Variants in SLC1A2 observed in about 807,000 individuals in gnomAD.
The protein encoded by SLC1A2 is solute carrier family 1 member 2, also known as excitatory amino acid transporter 2.
A neutral mutation model predicts 48.8 loss-of-function variants in SLC1A2; 15 were observed. The observed-to-expected ratio is 0.31, with a 90% CI of 0.21 to 0.47. SLC1A2 has a LOEUF of 0.47. Among genes scored for constraint, SLC1A2 ranks in the 20% least tolerant of loss-of-function variants. SLC1A2 has a pLI of 0.99. For synonymous variants in SLC1A2, 279 were observed against 272.6 expected (o/e 1.02, Z -0.23); for missense variants, 502 against 730.5 (o/e 0.69, Z 3.61).
rs1281415799 is a variant in SLC1A2, at chr11:35,317,535, C to T, written c.18-19G>A. On this transcript the variant is annotated intron_variant, in intron 1 of 10. Transcript: ENST00000278379. The stretch of plus-strand genomic sequence containing the variant: ...GTTGGCACTGGAACAGAAGTGAAGG[C>T]AGAGATTAGAGAGACTGGCACCTCC... 1 of 1,609,714 alleles carries T rather than the reference C, an allele frequency of 6.2e-7. No homozygotes were observed.
chr11:35,364,726 T>C (rs1696529426), intron 1 of SLC1A2, among the ~76,000 whole-genome samples: 1 of 152,208 alleles, frequency 6.6e-6, no homozygotes, highest in South Asian at 2.1e-4. Context: ...CACACCCCCA[T>C]GATGGTGCCT....
At chr11:35,317,771 T>C (rs1333636826) in intron 1 of SLC1A2, among the ~76,000 whole-genome samples, 1 of 152,222 alleles carries the variant, frequency 6.6e-6, no homozygotes, top group Non-Finnish European at 1.5e-5. Context: ...CCCCCCGTGG[T>C]AACTTGGGGA....
rs957176257 is a variant in SLC1A2 at position 35,256,116 on chromosome 11, C to A, written c.*4778G>T. The A allele has an allele frequency of 6.6e-6, 1 of 152,178 alleles. No individual in the cohort carries two copies. The allele number at this position is 152,178 out of a possible 1,614,324, so 9.4% of individuals were successfully genotyped here. The stretch of plus-strand genomic sequence containing the variant: ...ACTTTTCATATGGGAGAAAATGAGG[C>A]TTGGACACAAAATGACTTATGTAAG... On this transcript the variant is annotated 3_prime_UTR_variant, in exon 11 of 11. Coordinates refer to ENST00000278379, the MANE Select transcript of SLC1A2 (RefSeq NM_004171.4).
chr11:35,278,007 T>C (rs567569508), intron 9 of SLC1A2, among the ~76,000 whole-genome samples: 1 of 152,262 alleles, frequency 6.6e-6, no homozygotes, highest in East Asian at 1.9e-4. Context: ...TGAACAGATG[T>C]CATGAGAAAG....
intron 9 of SLC1A2, among the ~76,000 whole-genome samples, chr11:35,269,910 G>T (rs962706652): frequency 2.0e-5 from 3 of 152,112 alleles, no homozygotes; most frequent in African/African-American, 7.2e-5. Flanking sequence ...AGGAGTGCAA[G>T]ACCACCCTGG....
chr11:35,370,940 C>T (rs1035276371), intron 1 of SLC1A2: 33 of 984,766 alleles, frequency 3.4e-5, no homozygotes, highest in Non-Finnish European at 3.7e-5. Context: ...TGAAAACTTG[C>T]CTTGCTTATT....
chr11:35,420,482 C>T (rs1019231378), upstream of SLC1A2: 1 of 152,324 alleles, frequency 6.6e-6, no homozygotes, highest in African/African-American at 2.4e-5. Flanking sequence ...CCCAAAAGAA[C>T]TCACTTGGAG....
intron 1 of SLC1A2, among the ~76,000 whole-genome samples, chr11:35,363,981 G>A (rs552375592): frequency 6.6e-5 from 10 of 152,254 alleles, no homozygotes; most frequent in African/African-American, 1.9e-4. Flanking sequence ...CAGGGGCACC[G>A]GCAGAAAGAG....
intron 7 of SLC1A2, among the ~76,000 whole-genome samples, chr11:35,290,714 G>T (rs1850973636): frequency 1.0e-5 from 1 of 95,790 alleles, no homozygotes; most frequent in Non-Finnish European, 2.5e-5. Flanking sequence ...AACCAGGTTG[G>T]GTTTTTTTTT....
chr11:35,379,829 T>C (rs1854365281), intron 1 of SLC1A2, among the ~76,000 whole-genome samples: 1 of 152,206 alleles, frequency 6.6e-6, no homozygotes. Context: ...ATTACTTACG[T>C]GGCGAATCCC....
At chr11:35,306,387 G>T in intron 4 of SLC1A2, 145 bp from the exon 5 acceptor site, 2 of 585,212 alleles carry the variant, frequency 3.4e-6, no homozygotes, top group East Asian at 5.7e-5. Flanking sequence ...GAAAACTGGA[G>T]AATATTTTAT....
chr11:35,322,533 T>C (rs1481428116), intron 1 of SLC1A2: 2 of 1,326,886 alleles, frequency 1.5e-6, no homozygotes, highest in Non-Finnish European at 2.1e-6. Context: ...TCCTGGAGGA[T>C]GTGAGGTTTG....
At chr11:35,345,765 A>G (rs1853007000) in intron 1 of SLC1A2, among the ~76,000 whole-genome samples, 1 of 152,256 alleles carries the variant, frequency 6.6e-6, no homozygotes, top group South Asian at 2.1e-4. Flanking sequence ...TAAATAATAT[A>G]CATTTTGTCT....
intron 1 of SLC1A2, among the ~76,000 whole-genome samples, chr11:35,330,372 GA>G (rs1405350446): frequency 6.6e-6 from 1 of 152,222 alleles, no homozygotes; most frequent in East Asian, 1.9e-4. Flanking sequence ...CCCTGCCTTT[GA>G]AAAACTGAAG....
chr11:35,348,223 C>T (rs1444663718), intron 1 of SLC1A2, among the ~76,000 whole-genome samples: 1 of 150,598 alleles, frequency 6.6e-6, no homozygotes, highest in Non-Finnish European at 1.5e-5. Flanking sequence ...CAGTCCTGGG[C>T]CATCTGTTTT....
chr11:35,324,696 T>A (rs186456073), intron 1 of SLC1A2, among the ~76,000 whole-genome samples: 26 of 152,230 alleles, frequency 1.7e-4, no homozygotes, highest in African/African-American at 6.3e-4. Context: ...CCCACTGCCA[T>A]CAGCCTCCCT....
chr11:35,402,009 G>GTGAA (rs10594944), intron 1 of SLC1A2, among the ~76,000 whole-genome samples: 1,728 of 151,892 alleles, frequency 0.011, 16 homozygotes, highest in Non-Finnish European at 0.014. Flanking sequence ...TAGAAAGTTT[G>GTGAA]TGAATGAATG....
In SLC1A2 at chr11:35,280,992, G is replaced by A; in HGVS notation, c.1296C>T (p.Ala432=). ...GGQIVTVSLT[A]TLASVGAASI... is the part of the protein sequence containing the mutation. ...TGGCCGCGCCGACGCTTGCCAGGGT[G>A]GCTGTGAGGCTATGAGAACAGAGAA... The change falls in exon 9 of 11, where the codon GCC becomes GCT. Residue 432 remains alanine, a synonymous_variant. Transcript: ENST00000278379. 2 of 1,608,272 alleles carry A rather than the reference G, an allele frequency of 1.2e-6. No homozygotes were observed. The highest frequency in any genetic ancestry group is 1.7e-6 in the Non-Finnish European group (2 of 1,177,638).
intron 1 of SLC1A2, among the ~76,000 whole-genome samples, chr11:35,388,058 T>TG (rs1854640608): frequency 6.6e-6 from 1 of 152,236 alleles, no homozygotes; most frequent in Non-Finnish European, 1.5e-5. Context: ...AGTCTTGAAG[T>TG]GGTAGAGGCA....
Sources: allele counts gnomAD v4.1 joint callset (sites outside exome capture counted in the v4.1 genomes callset), GRCh38; gene constraint gnomAD v4.1.1; transcripts MANE v1.5; gene names NCBI Gene and HGNC (gene_info 2026-07-23, HGNC 2026-07-21).